The following SPPL3 variants were observed in gnomAD, a reference collection of about 807,000 sequenced individuals.
The protein encoded by SPPL3 is signal peptide peptidase-like 3.
Under a neutral mutation model 42.4 loss-of-function variants are expected in SPPL3, and 5 were observed. The ratio of observed to expected loss-of-function variants is 0.12; its 90% CI spans 0.06 to 0.25. The LOEUF (loss-of-function observed/expected upper bound fraction) is 0.25. Ranked by LOEUF, SPPL3 falls within the 10% of genes least tolerant of loss-of-function variation. The pLI is 1.00. For missense variants in SPPL3, 235 were observed against 489.0 expected, an observed-to-expected ratio of 0.48 and a Z score of 4.90; for synonymous variants, 195 against 181.8, an observed-to-expected ratio of 1.07 and a Z score of -0.58.
At chr12:120,824,776 G>C (rs1342157023) in intron 1 of SPPL3, among the ~76,000 whole-genome samples, 1 of 152,172 alleles carries the variant, frequency 6.6e-6, no homozygotes, top group Non-Finnish European at 1.5e-5. Context: ...AGACTCAAGT[G>C]ATCCTTCAGC....
chr12:120,876,258 GA>G (rs904111353), intron 1 of SPPL3, among the ~76,000 whole-genome samples: 9 of 151,846 alleles, frequency 5.9e-5, no homozygotes, highest in African/African-American at 2.2e-4. Flanking sequence ...ATTAATAGAA[GA>G]AAAAACACTT....
At chr12:120,774,810 C>T (rs968119116) in intron 6 of SPPL3, among the ~76,000 whole-genome samples, 1 of 152,032 alleles carries the variant, frequency 6.6e-6, no homozygotes, top group Non-Finnish European at 1.5e-5. Context: ...GCTCTCTTTC[C>T]CTTGCGGCTT....
intron 1 of SPPL3, among the ~76,000 whole-genome samples, chr12:120,853,939 A>ACAAACCCACATGAAAC (rs1872346773): frequency 6.7e-6 from 1 of 150,330 alleles, no homozygotes; most frequent in African/African-American, 2.5e-5. Flanking sequence ...CAAACCCAAA[A>ACAAACCCACATGAAAC]CCACATGAAA....
chr12:120,856,596 G>A (rs912084167), intron 1 of SPPL3, among the ~76,000 whole-genome samples: 8 of 143,570 alleles, frequency 5.6e-5, no homozygotes, highest in African/African-American at 2.1e-4. Flanking sequence ...ATTCTGGAAC[G>A]ACGGCAGCAT....
intron 2 of SPPL3, among the ~76,000 whole-genome samples, chr12:120,806,633 G>A (rs1870501977): frequency 6.6e-6 from 1 of 152,090 alleles, no homozygotes; most frequent in South Asian, 2.1e-4. Context: ...TGGATCACGA[G>A]GTCAGGAGAT....
chr12:120,813,837 T>A (rs1870773150), intron 1 of SPPL3, among the ~76,000 whole-genome samples: 1 of 152,142 alleles, frequency 6.6e-6, no homozygotes, highest in Admixed American at 6.5e-5. Context: ...TAATCTCTAC[T>A]AGAGACTTTC....
chr12:120,781,899 A>T (rs1869559386), intron 6 of SPPL3, among the ~76,000 whole-genome samples: 1 of 151,756 alleles, frequency 6.6e-6, no homozygotes, highest in Non-Finnish European at 1.5e-5. Context: ...TTTTAAAGAG[A>T]CAGGGTCTCA....
chr12:120,823,909 C>T (rs1193421061), intron 1 of SPPL3, among the ~76,000 whole-genome samples: 4 of 150,328 alleles, frequency 2.7e-5, no homozygotes, highest in East Asian at 2.0e-4. Flanking sequence ...CTCACTCTGT[C>T]GCCCAGGCTG....
chr12:120,764,963 C>T lies in SPPL3; in HGVS notation c.*36G>A, dbSNP rs1486812012. 1 of 1,607,852 alleles carries T rather than the reference C, an allele frequency of 6.2e-7. No individual in the cohort carries two copies. The highest frequency in any genetic ancestry group is 1.7e-5 in the Admixed American group (1 of 59,480). On this transcript the variant is annotated 3_prime_UTR_variant, in exon 11 of 11. Transcript: ENST00000353487. ...CAAACCATGAGTTGAGAGAAAAGGA[C>T]TATGACGGCCATCTGGTCACTTTCC...
chr12:120,902,336 A>T (rs1151851), intron 1 of SPPL3, among the ~76,000 whole-genome samples: 43,490 of 152,136 alleles, frequency 0.29, 7,669 homozygotes, highest in Non-Finnish European at 0.4. Context: ...TGAAGACTCA[A>T]TGAGTTACTG....
intron 1 of SPPL3, among the ~76,000 whole-genome samples, chr12:120,820,769 T>C (rs1464965942): frequency 1.3e-5 from 2 of 152,276 alleles, no homozygotes; most frequent in African/African-American, 2.4e-5. Context: ...AATTTAACCA[T>C]TTACGTGCAA....
chr12:120,783,371 C>G (rs1214919930), intron 5 of SPPL3, among the ~76,000 whole-genome samples: 1 of 152,150 alleles, frequency 6.6e-6, no homozygotes, highest in Non-Finnish European at 1.5e-5. Context: ...ATTTCATCAA[C>G]TCACAGTAAA....
chr12:120,875,328 C>T (rs1025632119), intron 1 of SPPL3, among the ~76,000 whole-genome samples: 1 of 151,886 alleles, frequency 6.6e-6, no homozygotes, highest in African/African-American at 2.4e-5. Context: ...AATAGTATAA[C>T]ATTATTTCAA....
intron 1 of SPPL3, among the ~76,000 whole-genome samples, chr12:120,812,817 G>C (rs921608402): frequency 1.3e-5 from 2 of 152,186 alleles, no homozygotes; most frequent in Non-Finnish European, 2.9e-5. Context: ...CTTTTCATCT[G>C]TAAAATGGGG....
rs1592949964 is a variant in SPPL3 at position 120,763,870 on chromosome 12, T to A, written c.*1129A>T. ...TATACAGCACACCAATGAAACAAAA[T>A]GTCAAAAAAAAAAATACAAAAAAAT... On this transcript the variant is annotated 3_prime_UTR_variant, in exon 11 of 11. Coordinates refer to ENST00000353487, the MANE Select transcript of SPPL3 (RefSeq NM_139015.5). The A allele has an allele frequency of 1.6e-5, 1 of 61,858 alleles. No homozygotes were observed. 3.8% of individuals were successfully genotyped at this position (61,858 alleles called of 1,614,324 possible).
intron 1 of SPPL3, among the ~76,000 whole-genome samples, chr12:120,900,956 G>A (rs924278344): frequency 3.4e-5 from 5 of 147,586 alleles, no homozygotes; most frequent in African/African-American, 1.2e-4. Context: ...ATCAACTCTT[G>A]ATTGTTTGCA....
At chr12:120,895,370 T>C (rs529686651) in intron 1 of SPPL3, among the ~76,000 whole-genome samples, 5 of 150,652 alleles carry the variant, frequency 3.3e-5, no homozygotes, top group Middle Eastern at 3.5e-3. Context: ...GAGGTTGCAG[T>C]GAGCCAAGAT....
intron 1 of SPPL3, among the ~76,000 whole-genome samples, chr12:120,879,029 C>T (rs911096860): frequency 2.1e-5 from 3 of 140,010 alleles, no homozygotes; most frequent in Admixed American, 8.1e-5. Context: ...AGGAAAATCA[C>T]TTGAACCTGG....
At chr12:120,786,633 TTAGATAGAATGCACAG>T (rs1354541298) in intron 3 of SPPL3, among the ~76,000 whole-genome samples, 92 of 152,264 alleles carry the variant, frequency 6.0e-4, no homozygotes, top group Admixed American at 9.8e-4. Context: ...TTCTGGCGTA[TTAGATAGAATGCACAG>T]ATTTTTTTTT....
Sources: allele counts gnomAD v4.1 joint callset (sites outside exome capture counted in the v4.1 genomes callset), GRCh38; gene constraint gnomAD v4.1.1; transcripts MANE v1.5; gene names NCBI Gene and HGNC (gene_info 2026-07-23, HGNC 2026-07-21).